Variants in STPG2 observed in about 807,000 individuals in gnomAD.
The protein encoded by STPG2 is sperm tail PG-rich repeat containing 2.
A neutral mutation model predicts 54.2 loss-of-function variants in STPG2; 56 were observed. The observed-to-expected ratio is 1.03, with a 90% CI of 0.83 to 1.29. The LOEUF (loss-of-function observed/expected upper bound fraction) is 1.29. STPG2 is among the 50% of genes most tolerant of loss of function. STPG2 has a pLI of 0.00. For synonymous variants in STPG2, 200 were observed against 181.8 expected, an observed-to-expected ratio of 1.10 and a Z score of -0.81; for missense variants, 596 against 544.9, an observed-to-expected ratio of 1.09 and a Z score of -0.93.
intron 4 of STPG2, among the ~76,000 whole-genome samples, chr4:97,459,693 G>A (rs1729615171): frequency 6.6e-6 from 1 of 151,874 alleles, no homozygotes; most frequent in South Asian, 2.1e-4. Flanking sequence ...CGCCTGCCTC[G>A]GCCTCCCAAA....
At chr4:97,979,726 T>G (rs1345747825) in intron 6 of STPG2, among the ~76,000 whole-genome samples, 1 of 151,226 alleles carries the variant, frequency 6.6e-6, no homozygotes, top group African/African-American at 2.4e-5. Context: ...TTTCCACAAT[T>G]TCTTTTTTTT....
At chr4:97,974,988 A>G (rs1342403425) in intron 6 of STPG2, among the ~76,000 whole-genome samples, 2 of 152,226 alleles carry the variant, frequency 1.3e-5, no homozygotes, top group Non-Finnish European at 2.9e-5. Flanking sequence ...AGAAAGACAA[A>G]CACAACAATA....
At chr4:97,838,248 T>C (rs1042520329) in intron 9 of STPG2, among the ~76,000 whole-genome samples, 1 of 151,448 alleles carries the variant, frequency 6.6e-6, no homozygotes, top group Non-Finnish European at 1.5e-5. Flanking sequence ...AAGAAACTTC[T>C]TTTCTTATTT....
At chr4:97,901,336 C>A (rs1314924370) in intron 8 of STPG2, among the ~76,000 whole-genome samples, 2 of 151,512 alleles carry the variant, frequency 1.3e-5, no homozygotes. Flanking sequence ...CTAGCCAGAA[C>A]AATTGGGCAA....
intron 9 of STPG2, among the ~76,000 whole-genome samples, chr4:97,838,312 C>T (rs1223372705): frequency 6.6e-6 from 1 of 150,954 alleles, no homozygotes; most frequent in East Asian, 1.9e-4. Flanking sequence ...ATAAACATTC[C>T]CCACACCATA....
intron 10 of STPG2, among the ~76,000 whole-genome samples, chr4:97,679,446 G>A (rs905980615): frequency 1.3e-5 from 2 of 151,936 alleles, no homozygotes; most frequent in Non-Finnish European, 2.9e-5. Context: ...GTCTGTTCAT[G>A]TCCTTTGCCC....
At chr4:97,881,097 A>C (rs898371275) in intron 8 of STPG2, among the ~76,000 whole-genome samples, 5 of 152,082 alleles carry the variant, frequency 3.3e-5, no homozygotes, top group African/African-American at 1.2e-4. Context: ...TAAAGAAAAA[A>C]AAAAATGGGA....
At chr4:97,699,102 G>T (rs930369364) in intron 10 of STPG2, among the ~76,000 whole-genome samples, 8 of 152,184 alleles carry the variant, frequency 5.3e-5, no homozygotes, top group East Asian at 1.9e-4. Context: ...CCAGGTAGTT[G>T]GCTGATCACC....
intron 4 of STPG2, among the ~76,000 whole-genome samples, chr4:97,488,868 A>T (rs1366376051): frequency 6.6e-6 from 1 of 151,716 alleles, no homozygotes; most frequent in Non-Finnish European, 1.5e-5. Flanking sequence ...AAACTGTGAT[A>T]GGTCTGAGAT....
intron 9 of STPG2, among the ~76,000 whole-genome samples, chr4:97,775,732 G>A (rs547383526): frequency 1.2e-3 from 187 of 152,256 alleles, no homozygotes; most frequent in Non-Finnish European, 1.9e-3. Context: ...CTTTAAAATT[G>A]CTAGTGGGAG....
At chr4:97,597,074 G>A (rs549583886) in intron 10 of STPG2, among the ~76,000 whole-genome samples, 86 of 152,092 alleles carry the variant, frequency 5.7e-4, no homozygotes, top group African/African-American at 1.9e-3. Flanking sequence ...AAATGACAAA[G>A]GAGTCATTAC....
rs575571499 is a variant in STPG2, at chr4:97,563,817, T to C, written c.1321-4700A>G. Among the ~76,000 whole-genome samples the C allele has an allele frequency of 2.5e-4, 38 of 152,332 alleles. No homozygotes were observed. The South Asian group carries it at 7.7e-3, about 31-fold the overall frequency. ...TGGTCTGAGAGACAGTTTGTTATAA[T>C]TTCTGATCTTTTACATTTGCTGAGG... On this transcript the variant is annotated intron_variant, in intron 10 of 10. Coordinates refer to ENST00000295268, the MANE Select transcript of STPG2 (RefSeq NM_174952.3).
intron 4 of STPG2, among the ~76,000 whole-genome samples, chr4:97,540,371 G>A (rs558876024): frequency 1.1e-4 from 16 of 151,964 alleles, no homozygotes; most frequent in African/African-American, 3.4e-4. Flanking sequence ...ACTAGAAAAT[G>A]TAGAAGAAAT....
intron 5 of STPG2, among the ~76,000 whole-genome samples, chr4:98,007,250 G>C (rs896925674): frequency 2.0e-5 from 3 of 151,748 alleles, no homozygotes; most frequent in African/African-American, 7.3e-5. Context: ...ACACAATCCA[G>C]TGACCTCTGC....
chr4:97,675,889 GTATATATACATATATATATAGTGTATA>G (rs990340861), intron 10 of STPG2, among the ~76,000 whole-genome samples: 13 of 144,808 alleles, frequency 9.0e-5, no homozygotes, highest in Non-Finnish European at 1.8e-4. Flanking sequence ...TACAGTATAG[GTATATATACATATATATATAGTGTATA>G]TATATACATA....
intron 1 of STPG2, among the ~76,000 whole-genome samples, chr4:98,142,185 C>G (rs1359042595): frequency 6.6e-6 from 1 of 152,150 alleles, no homozygotes; most frequent in East Asian, 1.9e-4. Flanking sequence ...ATGTGAAACA[C>G]TGACAGAAGT....
chr4:97,734,133 C>T (rs1021558163), intron 9 of STPG2, among the ~76,000 whole-genome samples: 5 of 152,088 alleles, frequency 3.3e-5, no homozygotes, highest in Admixed American at 3.3e-4. Context: ...TATAATGTTA[C>T]CTGTGTACTT....
intron 5 of STPG2, among the ~76,000 whole-genome samples, chr4:98,020,631 G>A (rs1278707744): frequency 6.6e-6 from 1 of 152,188 alleles, no homozygotes; most frequent in East Asian, 1.9e-4. Context: ...GAACTCGGCT[G>A]TGAATCCATC....
intron 7 of STPG2, among the ~76,000 whole-genome samples, chr4:97,961,564 T>C (rs1560611259): frequency 6.6e-6 from 1 of 152,094 alleles, no homozygotes; most frequent in Non-Finnish European, 1.5e-5. Flanking sequence ...TAGACAATTC[T>C]CAAATGAAGA....
Sources: allele counts gnomAD v4.1 joint callset (sites outside exome capture counted in the v4.1 genomes callset), GRCh38; gene constraint gnomAD v4.1.1; transcripts MANE v1.5; gene names NCBI Gene and HGNC (gene_info 2026-07-23, HGNC 2026-07-21).